Variants in TMEM123 observed in about 807,000 individuals in gnomAD.
TMEM123 encodes the protein porimin.
Under a neutral mutation model 19.7 loss-of-function variants are expected in TMEM123, and 16 were observed. That is an observed-to-expected ratio of 0.81 (90% CI 0.55 to 1.23). The LOEUF (loss-of-function observed/expected upper bound fraction) is 1.23, where lower values mean the gene tolerates loss of function less well. Among genes scored for constraint, TMEM123 ranks in the 50% most tolerant of loss-of-function variants. TMEM123 has a pLI of 0.00. For synonymous variants in TMEM123, 118 were observed against 99.4 expected, an observed-to-expected ratio of 1.19 and a Z score of -1.12; for missense variants, 313 against 257.8, an observed-to-expected ratio of 1.21 and a Z score of -1.47.
intron 2 of TMEM123, among the ~76,000 whole-genome samples, chr11:102,427,116 G>A (rs896493522): frequency 6.6e-6 from 1 of 150,910 alleles, no homozygotes; most frequent in Non-Finnish European, 1.5e-5. Context: ...TCTGTGGCTG[G>A]AACACACTAT....
At chr11:102,449,916 T>C (rs374011636) in intron 1 of TMEM123, among the ~76,000 whole-genome samples, 12 of 152,288 alleles carry the variant, frequency 7.9e-5, no homozygotes, top group African/African-American at 2.4e-4. Flanking sequence ...TTGGACCAGA[T>C]AGTTTGATTC....
At chr11:102,427,447 CTTTTTTTTT>C (rs754431473) in intron 2 of TMEM123, among the ~76,000 whole-genome samples, 1 of 122,644 alleles carries the variant, frequency 8.2e-6, no homozygotes, top group African/African-American at 3.0e-5. Context: ...GGTATAAATT[CTTTTTTTTT>C]TTTTTTTTTG....
In TMEM123 at chr11:102,418,997, C is replaced by A. The variant is rs147969517; in HGVS notation, c.158-16791G>T. Among the ~76,000 whole-genome samples, 507 of 152,208 alleles carry A rather than the reference C, an allele frequency of 3.3e-3. 3 individuals carry two copies. The highest frequency in any genetic ancestry group is 0.012 in the African/African-American group (483 of 41,546). On this transcript the variant is annotated intron_variant, in intron 2 of 4. Transcript: ENST00000398136. ...ACACTAAGAAGGGAAGAATAACACA[C>A]CAACACCTGCCTGAGGGTAGGACCA... is the stretch of plus-strand genomic sequence containing the variant.
chr11:102,449,797 T>C (rs765317016), intron 1 of TMEM123, among the ~76,000 whole-genome samples: 12 of 152,232 alleles, frequency 7.9e-5, no homozygotes, highest in East Asian at 1.9e-4. Flanking sequence ...GCCAGGGTTA[T>C]GTGCATTAGC....
intron 2 of TMEM123, among the ~76,000 whole-genome samples, chr11:102,443,606 T>G (rs1204101210): frequency 6.6e-6 from 1 of 152,106 alleles, no homozygotes; most frequent in Non-Finnish European, 1.5e-5. Context: ...GAAGAAAACC[T>G]AAGCAATACC....
At chr11:102,449,506 A>C (rs957838970) in intron 1 of TMEM123, 1 of 152,126 alleles carries the variant, frequency 6.6e-6, no homozygotes, top group African/African-American at 2.4e-5. Context: ...GGAGAGAGCA[A>C]GTGTATTATT....
At chr11:102,441,213 C>T (rs1388042587) in intron 2 of TMEM123, among the ~76,000 whole-genome samples, 1 of 152,200 alleles carries the variant, frequency 6.6e-6, no homozygotes, top group Non-Finnish European at 1.5e-5. Context: ...ATCTACAGAA[C>T]TCTCCACCCC....
rs140164692 is a variant in TMEM123 at position 102,420,224 on chromosome 11, G to A, written c.158-18018C>T. Among the ~76,000 whole-genome samples the A allele has an allele frequency of 1.3e-3, 195 of 152,218 alleles. 1 individual carries two copies. Among genetic ancestry groups the A allele is most frequent in the Admixed American group, 3.5e-3 (53 of 15,286 alleles). Reference sequence around the variant, plus strand: ...GGCTCCCTTGCCCCCCAAGGCTTCTGGTTAGGTTTGGCCAAAGGGAAAGCA... The same window carrying A: ...GGCTCCCTTGCCCCCCAAGGCTTCTAGTTAGGTTTGGCCAAAGGGAAAGCA... On this transcript the variant is annotated intron_variant, in intron 2 of 4. Transcript: ENST00000398136.
chr11:102,437,130 C>T (rs971473070), intron 2 of TMEM123, among the ~76,000 whole-genome samples: 1 of 151,920 alleles, frequency 6.6e-6, no homozygotes, highest in Middle Eastern at 3.4e-3. Flanking sequence ...TTTTTGTGTG[C>T]TTTTTCAGTT....
At chr11:102,404,278 A>ATATT (rs372492828) in intron 2 of TMEM123, among the ~76,000 whole-genome samples, 21 of 152,078 alleles carry the variant, frequency 1.4e-4, no homozygotes, top group Non-Finnish European at 2.1e-4. Context: ...AGACAGATTG[A>ATATT]TATTTATTTA....
intron 2 of TMEM123, among the ~76,000 whole-genome samples, chr11:102,413,350 A>G (rs114181777): frequency 9.8e-4 from 149 of 152,328 alleles, no homozygotes; most frequent in Middle Eastern, 3.4e-3. Flanking sequence ...CTCTAGCTAG[A>G]TAAGTTTAAT....
chr11:102,417,851 A>G (rs1952053953), intron 2 of TMEM123, among the ~76,000 whole-genome samples: 1 of 152,014 alleles, frequency 6.6e-6, no homozygotes, highest in Non-Finnish European at 1.5e-5. Context: ...AACTACAGCC[A>G]TCTGATCTTT....
intron 2 of TMEM123, among the ~76,000 whole-genome samples, chr11:102,426,213 T>C (rs997337972): frequency 1.4e-4 from 22 of 152,228 alleles, no homozygotes; most frequent in African/African-American, 5.1e-4. Context: ...TAAATAACCA[T>C]AGTATCCTAT....
intron 2 of TMEM123, 136 bp downstream of exon 2, chr11:102,448,676 G>A: frequency 2.7e-6 from 2 of 742,094 alleles, no homozygotes; most frequent in Non-Finnish European, 4.7e-6. Context: ...ACTAGGGCAG[G>A]TTATTGGGAT....
chr11:102,417,098 C>T (rs1235836716), intron 2 of TMEM123, among the ~76,000 whole-genome samples: 1 of 152,078 alleles, frequency 6.6e-6, no homozygotes, highest in Non-Finnish European at 1.5e-5. Flanking sequence ...AAAATGCCCA[C>T]TCTCACCACT....
rs555658797 is a variant in TMEM123, at chr11:102,426,943, G to A, written c.157+21869C>T. 4.2e-3 allele frequency among the ~76,000 whole-genome samples: 541 copies of A among 130,086 alleles called. 1 individual carries two copies. The highest frequency in any genetic ancestry group is 0.015 in the African/African-American group (524 of 34,370). The allele number at this position is 130,086 out of a possible 152,430, so 85.3% of individuals were successfully genotyped here. ...GTTTTGTGTCTGGGTATATATATCA[G>A]TTATTTGAAGTTCTATAGTTGGGAT... On this transcript the variant is annotated intron_variant, in intron 2 of 4. Transcript: ENST00000398136.
At chr11:102,403,366 T>C (rs947070256) in intron 2 of TMEM123, among the ~76,000 whole-genome samples, 2 of 152,224 alleles carry the variant, frequency 1.3e-5, no homozygotes, top group Non-Finnish European at 2.9e-5. Context: ...AAGGTTTCCT[T>C]CTTTTTGCAT....
chr11:102,450,107 C>A (rs753966636), intron 1 of TMEM123, among the ~76,000 whole-genome samples: 1 of 152,200 alleles, frequency 6.6e-6, no homozygotes, highest in Non-Finnish European at 1.5e-5. Context: ...TGATTAGTCC[C>A]AACCCCCCAT....
At chr11:102,452,307 A>C in intron 1 of TMEM123, 3 of 391,090 alleles carry the variant, frequency 7.7e-6, no homozygotes, top group Non-Finnish European at 1.4e-5. Flanking sequence ...CGAGAGGGGA[A>C]GCACCAGGCA....
Sources: gnomAD v4.1 joint callset for allele counts (sites outside exome capture counted in the v4.1 genomes callset) on GRCh38, gnomAD v4.1.1 for gene constraint, MANE v1.5 for transcripts, NCBI Gene and HGNC (gene_info 2026-07-23, HGNC 2026-07-21) for gene names.